The following CAPS2 variants were observed in gnomAD, a reference collection of about 807,000 sequenced individuals.
The protein encoded by CAPS2 is calcyphosin-2.
CAPS2 carries 98 observed loss-of-function variants against 86.5 expected under a neutral mutation model. The ratio of observed to expected loss-of-function variants is 1.13; its 90% CI spans 0.96 to 1.34. The LOEUF (loss-of-function observed/expected upper bound fraction) is 1.34, where lower values mean the gene tolerates loss of function less well. Ranked by LOEUF, CAPS2 falls within the 40% of genes most tolerant of loss-of-function variation. The pLI is 0.00. For synonymous variants in CAPS2, 210 were observed against 225.1 expected (o/e 0.93, Z 0.60); for missense variants, 729 against 686.8 (o/e 1.06, Z -0.69).
intron 14 of CAPS2, among the ~76,000 whole-genome samples, chr12:75,288,297 T>C (rs2035257598): frequency 6.6e-6 from 1 of 151,824 alleles, no homozygotes; most frequent in Non-Finnish European, 1.5e-5. Context: ...AGAACAATGT[T>C]AGGCAACATG....
intron 1 of CAPS2, chr12:75,369,794 A>G (rs2139695469): frequency 1.0e-6 from 1 of 982,516 alleles, no homozygotes; most frequent in Non-Finnish European, 1.2e-6. Flanking sequence ...AGCATCGTAA[A>G]GAGTTTTAAG....
chr12:75,276,538 G>A (rs1009166674), downstream of CAPS2: 3 of 978,524 alleles, frequency 3.1e-6, no homozygotes, highest in Middle Eastern at 5.2e-4. Flanking sequence ...TTTAAAACAG[G>A]GACATACATG....
intron 1 of CAPS2, among the ~76,000 whole-genome samples, chr12:75,359,655 TAC>T (rs1018578858): frequency 3.3e-5 from 5 of 152,188 alleles, no homozygotes; most frequent in African/African-American, 9.6e-5. Context: ...TGAAATAGAA[TAC>T]AGAGATCAGA....
At chr12:75,352,595 G>T (rs1024987803) in intron 1 of CAPS2, among the ~76,000 whole-genome samples, 9 of 152,168 alleles carry the variant, frequency 5.9e-5, no homozygotes, top group Admixed American at 6.5e-5. Flanking sequence ...CCAGATGACA[G>T]AGACAGAATA....
intron 15 of CAPS2, 52 bp from the exon 16 acceptor site, chr12:75,282,399 T>G (rs1156478695): frequency 1.6e-6 from 2 of 1,218,106 alleles, no homozygotes; most frequent in Non-Finnish European, 2.4e-6. Context: ...TGTTTTGCTT[T>G]GCTTTGAGAC....
At chr12:75,327,637 TC>T (rs1365916184), upstream of CAPS2, among the ~76,000 whole-genome samples, 8 of 151,906 alleles carry the variant, frequency 5.3e-5, no homozygotes, top group African/African-American at 1.9e-4. Context: ...TACATTGTAA[TC>T]CTGATTTTTG....
At chr12:75,326,155 CT>C (rs1273204820) in intron 1 of CAPS2, among the ~76,000 whole-genome samples, 1 of 151,838 alleles carries the variant, frequency 6.6e-6, no homozygotes, top group Non-Finnish European at 1.5e-5. Flanking sequence ...TACTATTTTT[CT>C]TTTTTTATAT....
chr12:75,307,326 G>A (rs531227214), intron 7 of CAPS2, among the ~76,000 whole-genome samples: 6 of 152,306 alleles, frequency 3.9e-5, no homozygotes, highest in East Asian at 1.9e-4. Flanking sequence ...CTTTGCCTCC[G>A]AATTCCCCTT....
intron 15 of CAPS2, among the ~76,000 whole-genome samples, chr12:75,283,504 G>C (rs1464665652): frequency 1.3e-5 from 2 of 151,934 alleles, no homozygotes; most frequent in Non-Finnish European, 2.9e-5. Flanking sequence ...CAATATGACT[G>C]GTGTCTCCTT....
intron 2 of CAPS2, among the ~76,000 whole-genome samples, chr12:75,324,488 T>C (rs1490393732): frequency 6.6e-6 from 1 of 152,130 alleles, no homozygotes; most frequent in Non-Finnish European, 1.5e-5. Flanking sequence ...TCCTTAAACT[T>C]TTCTCTGCAC....
At chr12:75,287,723 C>T (rs1394557877) in intron 14 of CAPS2, among the ~76,000 whole-genome samples, 2 of 152,110 alleles carry the variant, frequency 1.3e-5, no homozygotes, top group Non-Finnish European at 2.9e-5. Flanking sequence ...TTTGTAATAT[C>T]CATTAGAGTA....
chr12:75,293,329 G>T (rs1241604543), exon 12 of CAPS2: 1 of 1,611,878 alleles, frequency 6.2e-7, no homozygotes, highest in African/African-American at 1.3e-5. Context: ...TTTCTGGAAG[G>T]CTGAGATGAT....
chr12:75,334,757 T>G (rs1262867546), upstream of CAPS2: 1 of 1,614,146 alleles, frequency 6.2e-7, no homozygotes, highest in Non-Finnish European at 8.5e-7. Flanking sequence ...TTCAGTTGTT[T>G]ATGGATCTTG....
At chr12:75,331,814 C>T (rs1310485899), upstream of CAPS2, among the ~76,000 whole-genome samples, 1 of 152,074 alleles carries the variant, frequency 6.6e-6, no homozygotes, top group Admixed American at 6.5e-5. Flanking sequence ...CCGCCCCCCT[C>T]GGCCTCCCAA....
At chr12:75,293,963 C>T (rs552107361) in intron 11 of CAPS2, among the ~76,000 whole-genome samples, 6 of 152,118 alleles carry the variant, frequency 3.9e-5, no homozygotes, top group Non-Finnish European at 5.9e-5. Flanking sequence ...GATGGAGTCT[C>T]GCACTGTCGC....
chr12:75,321,467 C>A (rs2040289106), exon 5 of CAPS2: 7 of 1,546,814 alleles, frequency 4.5e-6, no homozygotes, highest in Non-Finnish European at 6.1e-6. Context: ...TTCTGCATTT[C>A]TCTGACTATA....
upstream of CAPS2, chr12:75,333,927 C>T (rs112050330): frequency 5.3e-5 from 8 of 152,226 alleles, no homozygotes; most frequent in East Asian, 1.2e-3. Flanking sequence ...AGCCAAATGA[C>T]GTTGATTTAT....
chr12:75,384,038 T>C (rs2045147217), intron 1 of CAPS2, among the ~76,000 whole-genome samples: 1 of 152,128 alleles, frequency 6.6e-6, no homozygotes, highest in Non-Finnish European at 1.5e-5. Flanking sequence ...GAGGTAAATT[T>C]GTAGCATTGA....
chr12:75,299,337 C>T (rs2037428100), intron 9 of CAPS2, among the ~76,000 whole-genome samples: 1 of 152,034 alleles, frequency 6.6e-6, no homozygotes, highest in Non-Finnish European at 1.5e-5. Flanking sequence ...TTTAAATTCA[C>T]TAAACAAATA....
Sources: allele counts gnomAD v4.1 joint callset (sites outside exome capture counted in the v4.1 genomes callset), GRCh38; gene constraint gnomAD v4.1.1; transcripts MANE v1.5; gene names NCBI Gene and HGNC (gene_info 2026-07-23, HGNC 2026-07-21).